KIFC3: variants seen among roughly 807,000 people sequenced by gnomAD.
KIFC3 encodes the protein kinesin-like protein KIFC3.
A neutral mutation model predicts 101.8 loss-of-function variants in KIFC3; 60 were observed. The observed-to-expected ratio is 0.59, with a 90% CI of 0.48 to 0.73. The LOEUF is 0.73. KIFC3 is among the 30% of genes least tolerant of loss of function. The pLI is 0.00. For synonymous variants in KIFC3, 476 were observed against 482.7 expected (o/e 0.99, Z 0.18); for missense variants, 966 against 1,137.1 (o/e 0.85, Z 2.16).
rs376926819 is a variant in KIFC3, at chr16:57,770,000, G to A, written c.940-45C>T. 1.4e-5 allele frequency: 22 copies of A among 1,581,650 alleles called. No individual in the cohort carries two copies. In the African/African-American group the frequency reaches 2.4e-4, roughly 17 times the overall value. On this transcript the variant is annotated intron_variant, in intron 7 of 19. Transcript: ENST00000445690. The surrounding 1 kb of genome is among the most constrained non-coding windows in gnomAD (Gnocchi z 4.3). The stretch of plus-strand genomic sequence containing the variant: ...GCTCAGTACCTCGAGGTGCGGGAGA[G>A]AGAGGGGCAGGTGCCACACCGAGAA...
chr16:57,794,993 G>A lies in KIFC3; in HGVS notation c.315+6C>T, dbSNP rs1207107061. The A allele has an allele frequency of 1.3e-6, 2 of 1,567,134 alleles. No individual in the cohort carries two copies. Among genetic ancestry groups the A allele is most frequent in the Non-Finnish European group, 1.7e-6 (2 of 1,164,148 alleles). ...CACATGCAGCCTGGAAGGCCCCAGT[G>A]CTTACCTGCAGGGTCAGGTAGAGCC... is the stretch of plus-strand genomic sequence containing the variant. On this transcript the variant is annotated splice_donor_region_variant and intron_variant, in intron 3 of 19. Transcript: ENST00000445690.
chr16:57,803,210 C>G, upstream of KIFC3: 1 of 720,044 alleles, frequency 1.4e-6, no homozygotes, highest in East Asian at 2.7e-5. Flanking sequence ...CCCGGCCTTG[C>G]TGCAGAAGGC....
At chr16:57,828,438 GT>G (rs1193258692) in intron 1 of KIFC3, among the ~76,000 whole-genome samples, 1 of 152,242 alleles carries the variant, frequency 6.6e-6, no homozygotes, top group African/African-American at 2.4e-5. Flanking sequence ...AATGGTGTGA[GT>G]GGCAAAAAGG....
In KIFC3 at chr16:57,847,271, GGA is replaced by G. The variant is rs1184956406; in HGVS notation, c.108+15456_108+15457del. Among the ~76,000 whole-genome samples, 152 of 123,998 alleles carry G rather than the reference GGA, an allele frequency of 1.2e-3. 3 individuals carry two copies. The highest frequency in any genetic ancestry group is 4.3e-3 in the African/African-American group (141 of 32,658). The allele number at this position is 123,998 out of a possible 152,430, so 81.3% of individuals were successfully genotyped here. On this transcript the variant is annotated intron_variant, in intron 1 of 2. Coordinates refer to the KIFC3 transcript ENST00000563028. Reference sequence around the variant, plus strand: ...GGAAGGAAGGAAGGAAGGAAGGAAGGGAAGGGAGGGAGGGAGAGAGGGCGGGG... The same window carrying G: ...GGAAGGAAGGAAGGAAGGAAGGAAGGAGGGAGGGAGGGAGAGAGGGCGGGG...
At chr16:57,808,511 G>A (rs1318702759) in intron 1 of KIFC3, among the ~76,000 whole-genome samples, 1 of 151,972 alleles carries the variant, frequency 6.6e-6, no homozygotes, top group Non-Finnish European at 1.5e-5. Context: ...CTCCCCACCT[G>A]CTGCAAATTC....
intron 1 of KIFC3, among the ~76,000 whole-genome samples, chr16:57,822,162 A>T (rs967057677): frequency 2.6e-5 from 4 of 152,196 alleles, no homozygotes; most frequent in Non-Finnish European, 5.9e-5. Context: ...TGTGGTTAAG[A>T]AAATGGGATC....
In KIFC3 at chr16:57,852,286, A is replaced by T. The variant is rs541999464; in HGVS notation, c.108+10443T>A. ...GATGGACCCGGGCCTTGGAGCACTC[A>T]TTGGAGGGTCCTCATTGTCAGTTTT... is the stretch of plus-strand genomic sequence containing the variant. On this transcript the variant is annotated intron_variant, in intron 1 of 2. Coordinates refer to the KIFC3 transcript ENST00000563028. Among the ~76,000 whole-genome samples the T allele has an allele frequency of 2.6e-5, 4 of 152,212 alleles. No homozygotes were observed. In the South Asian group the frequency reaches 6.2e-4, roughly 24 times the overall value.
In KIFC3 at chr16:57,815,568, A is replaced by C. The variant is rs782385203; in HGVS notation, c.109-17286T>G. ...CCTCCAAGACCAACACTGATGCCTT[A>C]GTCACCCTCACCAGGGAGGCTGGGG... On this transcript the variant is annotated intron_variant, in intron 1 of 2. Coordinates refer to the KIFC3 transcript ENST00000563028. The C allele has an allele frequency of 1.4e-4, 183 of 1,289,728 alleles. 2 individuals carry two copies. The South Asian group carries it at 2.0e-3, about 14-fold the overall frequency. 79.9% of individuals were successfully genotyped at this position (1,289,728 alleles called of 1,614,324 possible). A position where few individuals can be genotyped will look rare whatever the true frequency, so the allele number is the denominator to read the frequency against.
chr16:57,765,354 A>G (rs1474339634), intron 11 of KIFC3, 105 bp downstream of exon 11: 2 of 1,130,908 alleles, frequency 1.8e-6, no homozygotes, highest in East Asian at 5.3e-5. Context: ...TGATTCCTGC[A>G]CCCCCCACTC....
upstream of KIFC3, among the ~76,000 whole-genome samples, chr16:57,807,368 G>A (rs186306800): frequency 6.6e-6 from 1 of 152,142 alleles, no homozygotes; most frequent in South Asian, 2.1e-4. Flanking sequence ...ACCTCAGGGG[G>A]TCTGGCACAA....
chr16:57,775,097 G>C, intron 3 of KIFC3: 1 of 1,490,062 alleles, frequency 6.7e-7, no homozygotes, highest in South Asian at 1.3e-5. Context: ...CCTGCCTGCG[G>C]CCCAGGGTTC....
chr16:57,814,358 G>C (rs2055167489), intron 1 of KIFC3, among the ~76,000 whole-genome samples: 3 of 152,108 alleles, frequency 2.0e-5, no homozygotes, highest in Non-Finnish European at 2.9e-5. Context: ...TCACAACTGT[G>C]GGGGACTGTT....
chr16:57,788,206 G>A (rs1555618647), intron 3 of KIFC3, among the ~76,000 whole-genome samples: 1 of 152,282 alleles, frequency 6.6e-6, no homozygotes, highest in East Asian at 1.9e-4. Flanking sequence ...GGAGAAGGCC[G>A]AGTCTCTCTC....
At chr16:57,780,667 ATTTTTTTT>A (rs1191334568) in intron 3 of KIFC3, among the ~76,000 whole-genome samples, 1 of 69,936 alleles carries the variant, frequency 1.4e-5, no homozygotes, top group African/African-American at 5.6e-5. Context: ...CTGAAGACAA[ATTTTTTTT>A]TTTTTTTTTT....
exon 1 of KIFC3, chr16:57,862,746 C>T (rs1295884394): frequency 3.1e-6 from 4 of 1,288,752 alleles, no homozygotes; most frequent in African/African-American, 1.5e-5. Flanking sequence ...TGCTCCGGGA[C>T]ACCAGCCTCC....
chr16:57,798,133 TGGGGCGGGGC>T lies in KIFC3; in HGVS notation c.101_110del (p.Arg34GlnfsTer19), dbSNP rs782707325. On this transcript the variant is annotated frameshift_variant, in exon 2 of 20. Transcript: ENST00000445690. LOFTEE classifies it high-confidence loss of function. Reference sequence around the variant, plus strand: ...GGCGGGCGGCCGGGCTGGCTGGGGCTGGGGCGGGGCGAGCCATCCCCGGCTCGGGCTCCGG... The same window carrying T: ...GGCGGGCGGCCGGGCTGGCTGGGGCTGAGCCATCCCCGGCTCGGGCTCCGG... 1 of 1,559,710 alleles carries T rather than the reference TGGGGCGGGGC, an allele frequency of 6.4e-7. No homozygotes were observed.
At chr16:57,803,278 C>T (rs1555626216), upstream of KIFC3, 2 of 696,588 alleles carry the variant, frequency 2.9e-6, no homozygotes, top group South Asian at 3.0e-5. Flanking sequence ...AGGGGCCTGC[C>T]AGCCGGGAGA....
intron 1 of KIFC3, among the ~76,000 whole-genome samples, chr16:57,811,503 A>G (rs1322112869): frequency 1.3e-5 from 2 of 152,166 alleles, no homozygotes; most frequent in African/African-American, 4.8e-5. Flanking sequence ...AGGGAGGATC[A>G]CTTGAGGCCA....
chr16:57,852,618 T>C (rs2056080876), intron 1 of KIFC3, among the ~76,000 whole-genome samples: 1 of 152,166 alleles, frequency 6.6e-6, no homozygotes, highest in African/African-American at 2.4e-5. Context: ...TTTACAATCA[T>C]TTCATTTGGG....
Sources: allele counts gnomAD v4.1 joint callset (sites outside exome capture counted in the v4.1 genomes callset), GRCh38; gene constraint gnomAD v4.1.1; non-coding constraint Gnocchi (gnomAD v3.1); transcripts MANE v1.5; gene names NCBI Gene and HGNC (gene_info 2026-07-23, HGNC 2026-07-21).